FBXO34: variants seen among roughly 807,000 people sequenced by gnomAD.
The protein encoded by FBXO34 is F-box protein 34, also known as F-box only protein 34.
A neutral mutation model predicts 24.5 loss-of-function variants in FBXO34; 12 were observed. That is an observed-to-expected ratio of 0.49 (90% CI 0.31 to 0.79). FBXO34 has a LOEUF of 0.79. FBXO34 is among the 30% of genes least tolerant of loss of function. FBXO34 has a pLI of 0.04. For missense variants in FBXO34, 823 were observed against 857.7 expected (o/e 0.96, Z 0.51); for synonymous variants, 320 against 311.9 (o/e 1.03, Z -0.27).
chr14:55,292,944 A>C (rs541691061), intron 1 of FBXO34, among the ~76,000 whole-genome samples: 2 of 152,240 alleles, frequency 1.3e-5, no homozygotes, highest in African/African-American at 4.8e-5. Flanking sequence ...GTGCAGTGGC[A>C]CAATCTCACC....
chr14:55,439,617 C>A, the FBXO34 span, among the ~76,000 whole-genome samples: 6 of 72,628 alleles, frequency 8.3e-5, 1 homozygote, highest in African/African-American at 4.5e-5. Flanking sequence ...AAAGCAAACC[C>A]CCCCCCGTCT....
At chr14:55,311,954 C>T (rs896939682) in intron 1 of FBXO34, among the ~76,000 whole-genome samples, 7 of 152,154 alleles carry the variant, frequency 4.6e-5, no homozygotes, top group African/African-American at 1.7e-4. Flanking sequence ...TAATCCCCAG[C>T]ACTTTGGGAG....
At chr14:55,343,558 C>T (rs554618070) in intron 1 of FBXO34, among the ~76,000 whole-genome samples, 14 of 152,188 alleles carry the variant, frequency 9.2e-5, no homozygotes, top group South Asian at 4.1e-4. Flanking sequence ...ATTATTCCTC[C>T]GATTTTTATA....
intron 1 of FBXO34, among the ~76,000 whole-genome samples, chr14:55,331,562 C>CTAT (rs1005070493): frequency 3.7e-5 from 4 of 109,216 alleles, no homozygotes; most frequent in African/African-American, 1.3e-4. Flanking sequence ...TATATATATA[C>CTAT]ACACACACAC....
At chr14:55,429,122 C>G in the FBXO34 span, 1 of 946,116 alleles carries the variant, frequency 1.1e-6, no homozygotes, top group Non-Finnish European at 1.5e-6. Context: ...ACTTACTTCC[C>G]ATACTTTCGT....
chr14:55,391,563 G>T, the FBXO34 span, among the ~76,000 whole-genome samples: 1 of 151,846 alleles, frequency 6.6e-6, no homozygotes, highest in Admixed American at 6.6e-5. Flanking sequence ...AAAAGTTGAA[G>T]GACATTCTCT....
chr14:55,292,249 T>C (rs1332618942), intron 1 of FBXO34, among the ~76,000 whole-genome samples: 10 of 152,246 alleles, frequency 6.6e-5, no homozygotes, highest in Admixed American at 6.5e-4. Flanking sequence ...TTAAATAGAA[T>C]GTTAAGTGTC....
chr14:55,331,122 A>G (rs570472924), intron 1 of FBXO34, among the ~76,000 whole-genome samples: 1 of 152,322 alleles, frequency 6.6e-6, no homozygotes, highest in South Asian at 2.1e-4. Context: ...ACAGAAGAAA[A>G]TTCACCAAGG....
At chr14:55,286,667 C>T (rs1197795310) in intron 1 of FBXO34, among the ~76,000 whole-genome samples, 3 of 152,160 alleles carry the variant, frequency 2.0e-5, no homozygotes, top group Non-Finnish European at 4.4e-5. Context: ...GAAATTTCCA[C>T]ACTAGTTACT....
chr14:55,389,143 GTTGTTT>G, the FBXO34 span, among the ~76,000 whole-genome samples: 1 of 152,174 alleles, frequency 6.6e-6, no homozygotes, highest in Non-Finnish European at 1.5e-5. Flanking sequence ...CTTTGTGGTG[GTTGTTT>G]TTGTTTTTGG....
chr14:55,304,126 C>G (rs1401447205), intron 1 of FBXO34, among the ~76,000 whole-genome samples: 1 of 152,146 alleles, frequency 6.6e-6, no homozygotes, highest in African/African-American at 2.4e-5. Flanking sequence ...TATCTTAATT[C>G]TAATGAAACT....
At chr14:55,341,869 G>A (rs941414891) in intron 1 of FBXO34, among the ~76,000 whole-genome samples, 3 of 152,116 alleles carry the variant, frequency 2.0e-5, no homozygotes, top group Non-Finnish European at 2.9e-5. Flanking sequence ...GCTTTATTTT[G>A]TCTCTATCCT....
At chr14:55,297,355 GTTTT>G (rs1882174250) in intron 1 of FBXO34, among the ~76,000 whole-genome samples, 1 of 152,108 alleles carries the variant, frequency 6.6e-6, no homozygotes, top group African/African-American at 2.4e-5. Flanking sequence ...TCACATCCTG[GTTTT>G]GCCATTTACT....
At chr14:55,408,392 G>C in the FBXO34 span, among the ~76,000 whole-genome samples, 1 of 152,148 alleles carries the variant, frequency 6.6e-6, no homozygotes, top group Non-Finnish European at 1.5e-5. Context: ...GGAGGTCAAA[G>C]CTGCAGTGAG....
chr14:55,422,085 T>C, the FBXO34 span, among the ~76,000 whole-genome samples: 2 of 152,168 alleles, frequency 1.3e-5, no homozygotes, highest in Admixed American at 6.5e-5. Flanking sequence ...AGGATTATAA[T>C]AGGATAAACC....
At chr14:55,285,919 G>A (rs1234405049) in intron 1 of FBXO34, among the ~76,000 whole-genome samples, 4 of 152,086 alleles carry the variant, frequency 2.6e-5, no homozygotes, top group Non-Finnish European at 5.9e-5. Context: ...CTTAAGGAGT[G>A]GTCTGACAGT....
intron 1 of FBXO34, among the ~76,000 whole-genome samples, chr14:55,284,294 A>T (rs1337670812): frequency 6.6e-6 from 1 of 152,104 alleles, no homozygotes; most frequent in East Asian, 1.9e-4. Flanking sequence ...CTCATAGATC[A>T]CCTGAGGTCA....
the FBXO34 span, among the ~76,000 whole-genome samples, chr14:55,413,171 TTCTC>T: frequency 1.3e-5 from 2 of 152,374 alleles, no homozygotes; most frequent in South Asian, 4.1e-4. Context: ...TGAGAAGTCT[TTCTC>T]TCTGATCATT....
chr14:55,401,549 A>C, the FBXO34 span, among the ~76,000 whole-genome samples: 1 of 152,246 alleles, frequency 6.6e-6, no homozygotes, highest in African/African-American at 2.4e-5. Context: ...TCACTAAATT[A>C]TTCCATACTT....
Sources: gnomAD v4.1 joint callset for allele counts (sites outside exome capture counted in the v4.1 genomes callset) on GRCh38, gnomAD v4.1.1 for gene constraint, MANE v1.5 for transcripts, NCBI Gene and HGNC (gene_info 2026-07-23, HGNC 2026-07-21) for gene names.